The following ETV5 variants were observed in gnomAD, a reference collection of about 807,000 sequenced individuals.
ETV5 encodes ETS translocation variant 5.
ETV5 carries 10 observed loss-of-function variants against 70.0 expected under a neutral mutation model. The observed-to-expected ratio is 0.14, with a 90% confidence interval of 0.09 to 0.24. The LOEUF is 0.24. Among genes scored for constraint, ETV5 ranks in the 10% least tolerant of loss-of-function variants. The pLI, the probability that ETV5 is intolerant of heterozygous loss-of-function variation, is 1.00. For synonymous variants in ETV5, 216 were observed against 242.2 expected, an observed-to-expected ratio of 0.89 and a Z score of 1.01; for missense variants, 453 against 651.2, an observed-to-expected ratio of 0.70 and a Z score of 3.31.
At chr3:186,100,766 T>C (rs992365614) in intron 5 of ETV5, among the ~76,000 whole-genome samples, 2 of 152,210 alleles carry the variant, frequency 1.3e-5, no homozygotes, top group South Asian at 4.1e-4. Flanking sequence ...CTAGGCTGTA[T>C]TTGGTATGGA....
At chr3:186,085,727 C>A (rs1329680057) in intron 5 of ETV5, among the ~76,000 whole-genome samples, 1 of 152,118 alleles carries the variant, frequency 6.6e-6, no homozygotes, top group African/African-American at 2.4e-5. Context: ...TCAGGCTGGT[C>A]TCAAACTCCT....
At chr3:186,090,598 GTAA>G (rs1215104870) in intron 5 of ETV5, among the ~76,000 whole-genome samples, 1 of 152,182 alleles carries the variant, frequency 6.6e-6, no homozygotes, top group Non-Finnish European at 1.5e-5. Context: ...GAATTTATAT[GTAA>G]AACACGTTTA....
At chr3:186,070,445 A>G (rs1428428025) in intron 7 of ETV5, among the ~76,000 whole-genome samples, 1 of 152,146 alleles carries the variant, frequency 6.6e-6, no homozygotes, top group Non-Finnish European at 1.5e-5. Flanking sequence ...CAGCAACCTC[A>G]TCCCCTCCCC....
rs1159360973 is a variant in ETV5, at chr3:186,105,701, A to G, written c.57T>C (p.Ser19=). The change falls in exon 3 of 13, where the codon TCT becomes TCC. Residue 19 remains serine, a synonymous_variant. Coordinates refer to ENST00000306376, the MANE Select transcript of ETV5 (RefSeq NM_004454.3). The surrounding 1 kb of genome is among the most constrained non-coding windows in gnomAD (Gnocchi z 4.5). ...TCACAGGCCGCCCTCTGCATTCCTC[A>G]GATCGAGATTTCTGAAAGAGGCCAA... ...VPFMVPGKSR[S]EECRGRPVID... 9.9e-6 allele frequency: 16 copies of G among 1,614,202 alleles called. No homozygotes were observed. Among genetic ancestry groups the G allele is most frequent in the Non-Finnish European group, 1.4e-5 (16 of 1,180,040 alleles).
In ETV5 at chr3:186,054,455, C is replaced by T. The variant is rs1435734347; in HGVS notation, c.1210-2324G>A. On this transcript the variant is annotated intron_variant, in intron 11 of 12. Transcript: ENST00000306376. The surrounding 1 kb of genome is among the most constrained non-coding windows in gnomAD (Gnocchi z 4.4). ...GCCACATGTTCAACAAACAACCCTA[C>T]CCCCCAAAATATTCATTAATGCAGA... 6.6e-6 allele frequency among the ~76,000 whole-genome samples: 1 copy of T among 152,128 alleles called. No homozygotes were observed. The highest frequency in any genetic ancestry group is 1.5e-5 in the Non-Finnish European group (1 of 68,016).
intron 5 of ETV5, among the ~76,000 whole-genome samples, chr3:186,092,065 G>T (rs1714194875): frequency 6.6e-6 from 1 of 152,198 alleles, no homozygotes; most frequent in African/African-American, 2.4e-5. Context: ...AATTTTGTTG[G>T]TGAGTGCCAT....
chr3:186,085,905 T>C (rs1714046825), intron 5 of ETV5, among the ~76,000 whole-genome samples: 1 of 152,166 alleles, frequency 6.6e-6, no homozygotes, highest in African/African-American at 2.4e-5. Flanking sequence ...AACATTCTGC[T>C]CATTCAGACA....
In ETV5 at chr3:186,080,196, T is replaced by A. The variant is rs1713898952; in HGVS notation, c.363-92A>T. 5.5e-6 allele frequency: 6 copies of A among 1,083,824 alleles called. No individual in the cohort carries two copies. The South Asian group carries it at 1.3e-4, about 23-fold the overall frequency. 67.1% of individuals were successfully genotyped at this position (1,083,824 alleles called of 1,614,324 possible). A position where few individuals can be genotyped will look rare whatever the true frequency, so the allele number is the denominator to read the frequency against. On this transcript the variant is annotated intron_variant, in intron 6 of 12. Transcript: ENST00000306376. The stretch of plus-strand genomic sequence containing the variant: ...AGCAGAAAGCTAGTTTGCAGCCCAT[T>A]GTTGCCAGGAAATAACAGCATTAAC...
Position 186,103,570 on chromosome 3 carries a change from T to C in ETV5, c.232+1735A>G, listed in dbSNP as rs16860463. Among the ~76,000 whole-genome samples, 1,039 of 150,600 alleles carry C rather than the reference T, an allele frequency of 6.9e-3. 16 individuals are homozygous for C. Among genetic ancestry groups the C allele is most frequent in the African/African-American group, 0.024 (969 of 40,732 alleles). ...CAAGAACTGGAAAGGCTGGGCCAAA[T>C]TGTCAACACAGAACAAAGTTGGATT... On this transcript the variant is annotated intron_variant, in intron 5 of 12. Transcript: ENST00000306376.
intron 7 of ETV5, 75 bp from the exon 8 acceptor site, chr3:186,066,147 G>C (rs1228014742): frequency 1.5e-6 from 2 of 1,312,716 alleles, no homozygotes; most frequent in African/African-American, 1.5e-5. Context: ...CTGGGGACTA[G>C]AAGTTCCAAT....
At chr3:186,058,800 G>C (rs1713229427) in intron 9 of ETV5, among the ~76,000 whole-genome samples, 2 of 152,026 alleles carry the variant, frequency 1.3e-5, no homozygotes, top group Admixed American at 1.3e-4. Flanking sequence ...GATCATCTGA[G>C]GTCAGGAGTT....
At position 186,048,828 on chromosome 3, in the gene ETV5, G is replaced by A. The variant is rs1441661393; in HGVS notation, c.1344C>T (p.Val448=). The part of the protein sequence containing the change: ...VAGERYVYKF[V]CDPDALFSMA... Reference sequence around the variant, plus strand: ...TGGAGAAGAGGGCATCTGGGTCACAGACAAATTTGTAGACGTATCGCTCTC... The same window carrying A: ...TGGAGAAGAGGGCATCTGGGTCACAAACAAATTTGTAGACGTATCGCTCTC... Residue 448 remains valine, a synonymous_variant, in exon 13 of 13, where the codon GTC becomes GTT. Transcript: ENST00000306376. 6.2e-7 allele frequency: 1 copy of A among 1,613,940 alleles called. No individual in the cohort carries two copies. Among genetic ancestry groups the A allele is most frequent in the Non-Finnish European group, 8.5e-7 (1 of 1,180,016 alleles).
chr3:186,085,180 T>C (rs80130659), intron 5 of ETV5, among the ~76,000 whole-genome samples: 2,830 of 152,272 alleles, frequency 0.019, 89 homozygotes, highest in African/African-American at 0.065. Flanking sequence ...CCAGGATTCC[T>C]ACCTATGCAG....
intron 5 of ETV5, among the ~76,000 whole-genome samples, chr3:186,098,742 A>G (rs2150154260): frequency 6.6e-6 from 1 of 152,374 alleles, no homozygotes; most frequent in South Asian, 2.1e-4. Context: ...TTCAAGGAAA[A>G]GCATACTTCT....
At chr3:186,060,018 C>T (rs182579567) in intron 9 of ETV5, among the ~76,000 whole-genome samples, 5 of 152,334 alleles carry the variant, frequency 3.3e-5, no homozygotes, top group Admixed American at 3.3e-4. Context: ...ATCCACTATG[C>T]TTCAAACATT....
chr3:186,051,855 A>G (rs75136052), intron 12 of ETV5, among the ~76,000 whole-genome samples, 175 bp downstream of exon 12: 1,526 of 152,288 alleles, frequency 0.01, 12 homozygotes, highest in Non-Finnish European at 0.016. Flanking sequence ...AATGTACTCT[A>G]TATCTCATTT....
rs369209706 is a variant in ETV5 at position 186,072,001 on chromosome 3, C to T, written c.651-5929G>A. 3.2e-4 allele frequency among the ~76,000 whole-genome samples: 49 copies of T among 151,166 alleles called. 1 individual carries two copies. In the East Asian group the frequency reaches 7.4e-3, roughly 23 times the overall value. ...TGTTAGTAGAGACAGGGTTTCACCA[C>T]GTTGGCCAGGCTGGTTTCAAACTCC... On this transcript the variant is annotated intron_variant, in intron 7 of 12. Coordinates refer to ENST00000306376, the MANE Select transcript of ETV5 (RefSeq NM_004454.3).
chr3:186,074,318 T>C (rs1029730092), intron 7 of ETV5, among the ~76,000 whole-genome samples: 13 of 152,294 alleles, frequency 8.5e-5, no homozygotes, highest in Admixed American at 7.8e-4. Context: ...GTGAAGACAC[T>C]GAGCCAGTAA....
At chr3:186,062,652 T>G (rs1352702389) in intron 9 of ETV5, among the ~76,000 whole-genome samples, 2 of 151,984 alleles carry the variant, frequency 1.3e-5, no homozygotes, top group Admixed American at 1.3e-4. Context: ...CCCAGAAATA[T>G]CTATCCTATA....
Sources: allele counts gnomAD v4.1 joint callset (sites outside exome capture counted in the v4.1 genomes callset), GRCh38; gene constraint gnomAD v4.1.1; non-coding constraint Gnocchi (gnomAD v3.1); transcripts MANE v1.5; gene names NCBI Gene and HGNC (gene_info 2026-07-23, HGNC 2026-07-21).